The following NOL3 variants were observed in gnomAD, a reference collection of about 807,000 sequenced individuals.
NOL3 encodes nucleolar protein 3.
NOL3 carries 18 observed loss-of-function variants against 19.2 expected under a neutral mutation model. The observed-to-expected ratio is 0.94, with a 90% confidence interval of 0.65 to 1.39. The LOEUF (loss-of-function observed/expected upper bound fraction) is 1.39. Among genes scored for constraint, NOL3 ranks in the 40% most tolerant of loss-of-function variants. NOL3 has a pLI of 0.00. For missense variants in NOL3, 290 were observed against 289.5 expected (o/e 1.00, Z -0.01); for synonymous variants, 127 against 137.3 (o/e 0.93, Z 0.52).
exon 3 of NOL3, chr16:67,174,756 C>T (rs576813875): frequency 1.9e-6 from 3 of 1,609,142 alleles, no homozygotes; most frequent in Non-Finnish European, 2.5e-6. Flanking sequence ...GGCTCCGAGG[C>T]GGTGCAATCC....
exon 3 of NOL3, chr16:67,174,834 A>G (rs1687673466): frequency 1.9e-6 from 3 of 1,604,250 alleles, no homozygotes; most frequent in African/African-American, 1.3e-5. Flanking sequence ...CCGGAGCCGG[A>G]GCCAGAGCCA....
intron 1 of NOL3, chr16:67,171,212 T>C (rs1357774043): frequency 1.3e-5 from 2 of 152,334 alleles, no homozygotes; most frequent in Non-Finnish European, 2.9e-5. Context: ...GAAAACTCAG[T>C]TGAAGAAAGC....
exon 4 of NOL3, chr16:67,175,312 A>C: frequency 1.4e-6 from 2 of 1,399,364 alleles, no homozygotes; most frequent in Non-Finnish European, 1.9e-6. Context: ...CTCAGCCCTA[A>C]TCTGCCCTTA....
Position 67,170,712 on chromosome 16 carries a change from G to A in NOL3, c.-9+138G>A, listed in dbSNP as rs897165869. The stretch of plus-strand genomic sequence containing the variant: ...GGGGGTCGGGGGGGCGGGGTGGGTA[G>A]GACTGTGGGCCCCGCCCTGCCGCAG... On this transcript the variant is annotated intron_variant, in intron 1 of 3. Transcript: ENST00000268605. The surrounding 1 kb of genome is among the most constrained non-coding windows in gnomAD (Gnocchi z 5.7). 6.6e-6 allele frequency: 1 copy of A among 152,166 alleles called. No homozygotes were observed. Among genetic ancestry groups the A allele is most frequent in the Admixed American group, 6.5e-5 (1 of 15,280 alleles). 9.4% of individuals were successfully genotyped at this position (152,166 alleles called of 1,614,324 possible). A position where few individuals can be genotyped will look rare whatever the true frequency, so the allele number is the denominator to read the frequency against.
exon 3 of NOL3, chr16:67,174,900 A>G (rs371908750): frequency 1.9e-6 from 3 of 1,613,592 alleles, no homozygotes; most frequent in Non-Finnish European, 2.5e-6. Flanking sequence ...CCAGAACCGG[A>G]CCCAGAGCCC....
chr16:67,174,961 A>AGGTGTGAGT lies in NOL3; in HGVS notation c.619+17_619+18insGGTGTGAGT. 6.2e-7 allele frequency: 1 copy of AGGTGTGAGT among 1,609,292 alleles called. No individual in the cohort carries two copies. The highest frequency in any genetic ancestry group is 8.5e-7 in the Non-Finnish European group (1 of 1,176,544). ...AGTCCGAAGGTGTGAGTCCGCCCAA[A>AGGTGTGAGT]CCCTGAGCCGGCTTGGCGGGAGGGC... On this transcript the variant is annotated intron_variant, in intron 3 of 3. Coordinates refer to ENST00000268605, the Ensembl canonical transcript of NOL3.
chr16:67,175,394 G>A (rs988195863), exon 4 of NOL3: 11 of 1,183,348 alleles, frequency 9.3e-6, no homozygotes, highest in Admixed American at 4.0e-5. Context: ...CCTCCTGCCC[G>A]CATACACAAC....
exon 4 of NOL3, chr16:67,175,614 TTTTAA>T (rs2032137256): frequency 6.4e-6 from 1 of 155,168 alleles, no homozygotes; most frequent in South Asian, 2.0e-4. Context: ...GTCATTACTG[TTTTAA>T]TTGTCTGGCT....
chr16:67,174,962 C>T lies in NOL3; in HGVS notation c.619+18C>T. 1.2e-6 allele frequency: 2 copies of T among 1,609,650 alleles called. No homozygotes were observed. The highest frequency in any genetic ancestry group is 1.7e-6 in the Non-Finnish European group (2 of 1,176,800). Reference sequence around the variant, plus strand: ...GTCCGAAGGTGTGAGTCCGCCCAAACCCTGAGCCGGCTTGGCGGGAGGGCA... The same window carrying T: ...GTCCGAAGGTGTGAGTCCGCCCAAATCCTGAGCCGGCTTGGCGGGAGGGCA... On this transcript the variant is annotated intron_variant, in intron 3 of 3. Coordinates refer to ENST00000268605, the Ensembl canonical transcript of NOL3.
In NOL3 at chr16:67,174,145, C is replaced by A; in HGVS notation, c.-8-17C>A. 1 of 1,604,924 alleles carries A rather than the reference C, an allele frequency of 6.2e-7. No individual in the cohort carries two copies. Among genetic ancestry groups the A allele is most frequent in the Non-Finnish European group, 8.5e-7 (1 of 1,174,960 alleles). On this transcript the variant is annotated splice_polypyrimidine_tract_variant and intron_variant, in intron 1 of 3. Transcript: ENST00000268605. ...GAGGGCAACCCCCCATTACTTCTCT[C>A]CCCTTTCCCCATGCAGCCCCGACAA...
At chr16:67,175,157 C>A (rs548484873) in exon 4 of NOL3, 2 of 1,592,420 alleles carry the variant, frequency 1.3e-6, no homozygotes, top group Non-Finnish European at 8.6e-7. Context: ...AGCCCAGTAC[C>A]GCTGGAAGTG....
chr16:67,175,165 G>A, exon 4 of NOL3: 2 of 1,588,838 alleles, frequency 1.3e-6, no homozygotes, highest in Non-Finnish European at 1.7e-6. Flanking sequence ...ACCGCTGGAA[G>A]TGAATAAACT....
intron 1 of NOL3, chr16:67,173,656 T>G: frequency 1.7e-6 from 1 of 575,348 alleles, no homozygotes; most frequent in Non-Finnish European, 3.1e-6. Context: ...GTGAGGATGG[T>G]GAGAGAAATA....
intron 3 of NOL3, 24 bp from the exon 4 acceptor site, chr16:67,175,023 G>T (rs1374825750): frequency 5.0e-6 from 8 of 1,613,824 alleles, no homozygotes; most frequent in Non-Finnish European, 6.8e-6. Context: ...CCACCTCTTT[G>T]ACCACTGTTC....
chr16:67,172,274 G>A (rs1253844736), intron 1 of NOL3, among the ~76,000 whole-genome samples: 1 of 152,126 alleles, frequency 6.6e-6, no homozygotes, highest in Non-Finnish European at 1.5e-5. Context: ...TGCTGGCTGG[G>A]TCAGGCCACT....
At position 67,175,000 on chromosome 16, in the gene NOL3, C is replaced by T. The variant is rs115076950; in HGVS notation, c.620-47C>T. 25 of 1,610,652 alleles carry T rather than the reference C, an allele frequency of 1.6e-5. No individual in the cohort carries two copies. The African/African-American group carries it at 1.9e-4, about 12-fold the overall frequency. ...TGGCGGGAGGGCATGGCCTGGGAAG[C>T]GGATGCCGGACCCCACCTCTTTGAC... On this transcript the variant is annotated intron_variant, in intron 3 of 3. Transcript: ENST00000268605.
intron 1 of NOL3, chr16:67,172,036 C>G (rs1195948344): frequency 1.3e-5 from 2 of 152,084 alleles, no homozygotes; most frequent in Non-Finnish European, 2.9e-5. Flanking sequence ...CTGAGAAAGA[C>G]CTGGGAGGCA....
At chr16:67,174,432 A>T (rs980000944) in exon 2 of NOL3, 2 of 1,516,960 alleles carry the variant, frequency 1.3e-6, no homozygotes, top group African/African-American at 1.4e-5. Flanking sequence ...GGCGCGCCGG[A>T]CCCCGCTTGG....
chr16:67,174,456 T>A, exon 2 of NOL3: 1 of 1,489,594 alleles, frequency 6.7e-7, no homozygotes, highest in Non-Finnish European at 8.9e-7. Context: ...TGGCAGCACG[T>A]GGGTCCGGGT....
Sources: gnomAD v4.1 joint callset for allele counts (sites outside exome capture counted in the v4.1 genomes callset) on GRCh38, gnomAD v4.1.1 for gene constraint, Gnocchi (gnomAD v3.1) non-coding constraint, MANE v1.5 for transcripts, NCBI Gene and HGNC (gene_info 2026-07-23, HGNC 2026-07-21) for gene names.